The following SV2C variants were observed in gnomAD, a reference collection of about 807,000 sequenced individuals.
SV2C encodes solute carrier family 22 member B3.
Under a neutral mutation model 79.7 loss-of-function variants are expected in SV2C, and 49 were observed. That is an observed-to-expected ratio of 0.61 (90% CI 0.49 to 0.78). SV2C has a LOEUF of 0.78. SV2C is among the 30% of genes least tolerant of loss of function. SV2C has a pLI of 0.00. For synonymous variants in SV2C, 334 were observed against 333.2 expected (o/e 1.00, Z -0.03); for missense variants, 833 against 912.9 (o/e 0.91, Z 1.13).
chr5:76,160,317 T>C (rs1399411185), intron 2 of SV2C, among the ~76,000 whole-genome samples: 1 of 152,166 alleles, frequency 6.6e-6, no homozygotes, highest in Non-Finnish European at 1.5e-5. Context: ...TTAACACTTC[T>C]CAATTCCAAA....
intron 12 of SV2C, among the ~76,000 whole-genome samples, chr5:76,344,479 C>T (rs1188350530): frequency 6.6e-6 from 1 of 152,170 alleles, no homozygotes; most frequent in African/African-American, 2.4e-5. Flanking sequence ...GAGGCCAAGG[C>T]GGGCGGATCA....
chr5:76,184,885 G>T lies in SV2C; in HGVS notation c.581-10034G>T, dbSNP rs548859036. On this transcript the variant is annotated intron_variant, in intron 2 of 12. Coordinates refer to ENST00000502798, the MANE Select transcript of SV2C (RefSeq NM_014979.4). ...CATGCCCTTCCAACAGTCCCCCAAA[G>T]TCTTAATTCATTTCAGCATTAACCC... Among the ~76,000 whole-genome samples, 26 of 152,222 alleles carry T rather than the reference G, an allele frequency of 1.7e-4. No homozygotes were observed. The South Asian group carries it at 5.2e-3, about 30-fold the overall frequency.
At chr5:76,007,655 G>C in the SV2C span, among the ~76,000 whole-genome samples, 7 of 152,056 alleles carry the variant, frequency 4.6e-5, no homozygotes, top group Non-Finnish European at 7.4e-5. Context: ...AATTTATTTA[G>C]AAAATATTTA....
At chr5:75,978,232 AG>A in the SV2C span, among the ~76,000 whole-genome samples, 1 of 152,134 alleles carries the variant, frequency 6.6e-6, no homozygotes, top group Non-Finnish European at 1.5e-5. Flanking sequence ...GTGATTTCTT[AG>A]GCTATGCAAC....
chr5:75,963,696 T>C, the SV2C span, among the ~76,000 whole-genome samples: 1 of 152,140 alleles, frequency 6.6e-6, no homozygotes, highest in Non-Finnish European at 1.5e-5. Flanking sequence ...TATGAAAGAT[T>C]CGAGTGTCTC....
At chr5:76,296,440 G>A (rs576455769) in intron 9 of SV2C, among the ~76,000 whole-genome samples, 1 of 152,266 alleles carries the variant, frequency 6.6e-6, no homozygotes, top group Non-Finnish European at 1.5e-5. Context: ...TTAGAGAACA[G>A]GAATCATTCC....
chr5:75,884,335 C>T, the SV2C span, among the ~76,000 whole-genome samples: 1 of 152,096 alleles, frequency 6.6e-6, no homozygotes, highest in Non-Finnish European at 1.5e-5. Flanking sequence ...ACCGTGATTG[C>T]TTTTATATTA....
At chr5:75,895,724 T>G in the SV2C span, among the ~76,000 whole-genome samples, 2,512 of 152,226 alleles carry the variant, frequency 0.017, 36 homozygotes, top group African/African-American at 0.043. Flanking sequence ...TTCTGTTGCT[T>G]CTTTTTCACT....
intron 2 of SV2C, among the ~76,000 whole-genome samples, chr5:76,171,698 C>T (rs1279352500): frequency 8.4e-4 from 110 of 131,522 alleles, no homozygotes; most frequent in East Asian, 1.4e-3. Context: ...CCGTGCCGTC[C>T]GGGAGGGAGG....
chr5:76,162,887 G>A (rs977576816), intron 2 of SV2C, among the ~76,000 whole-genome samples: 1 of 152,168 alleles, frequency 6.6e-6, no homozygotes, highest in Non-Finnish European at 1.5e-5. Flanking sequence ...GATGTCTTTA[G>A]TGCAGGACTT....
chr5:76,171,532 C>T (rs1294900823), intron 2 of SV2C, among the ~76,000 whole-genome samples: 1 of 130,992 alleles, frequency 7.6e-6, no homozygotes, highest in Admixed American at 7.4e-5. Flanking sequence ...AGTGAGGAGC[C>T]TCTCCGCCCG....
the SV2C span, among the ~76,000 whole-genome samples, chr5:75,963,909 C>T: frequency 6.6e-5 from 10 of 151,872 alleles, no homozygotes; most frequent in South Asian, 2.1e-4. Context: ...CTTCATGTTC[C>T]GGTTCTTCTA....
chr5:76,287,606 A>G (rs1195704945), intron 6 of SV2C, among the ~76,000 whole-genome samples: 1 of 151,966 alleles, frequency 6.6e-6, no homozygotes, highest in Non-Finnish European at 1.5e-5. Context: ...CTCACACTCA[A>G]CATTTGACTT....
chr5:76,151,615 A>T (rs1384455297), intron 2 of SV2C, among the ~76,000 whole-genome samples: 1 of 152,150 alleles, frequency 6.6e-6, no homozygotes, highest in Non-Finnish European at 1.5e-5. Flanking sequence ...GGGTGCAGGG[A>T]GGAGGGCCAT....
the SV2C span, among the ~76,000 whole-genome samples, chr5:75,932,229 A>G: frequency 6.6e-6 from 1 of 152,154 alleles, no homozygotes; most frequent in Non-Finnish European, 1.5e-5. Context: ...GGGTCCACTC[A>G]TCTTGGGAGT....
chr5:76,228,788 CATTAAT>C (rs5868814), intron 4 of SV2C, among the ~76,000 whole-genome samples: 29,389 of 151,962 alleles, frequency 0.19, 4,248 homozygotes, highest in African/African-American at 0.41. Flanking sequence ...ATGAAGTACG[CATTAAT>C]ATTATCTATG....
the SV2C span, among the ~76,000 whole-genome samples, chr5:76,046,476 C>G: frequency 6.6e-6 from 1 of 152,160 alleles, no homozygotes; most frequent in Non-Finnish European, 1.5e-5. Flanking sequence ...TTGTATATGT[C>G]TACTTCAAAA....
chr5:76,016,254 T>TATAAAAAAAAAAAA, the SV2C span, among the ~76,000 whole-genome samples: 1 of 90,374 alleles, frequency 1.1e-5, no homozygotes, highest in East Asian at 4.0e-4. Flanking sequence ...TTTAATTTTC[T>TATAAAAAAAAAAAA]AAAAAAAAAA....
intron 8 of SV2C, among the ~76,000 whole-genome samples, chr5:76,294,108 T>A (rs572515268): frequency 1.3e-5 from 2 of 152,300 alleles, no homozygotes; most frequent in Non-Finnish European, 2.9e-5. Flanking sequence ...TTGTGGGGGA[T>A]GATGATCCTG....
Sources: gnomAD v4.1 joint callset for allele counts (sites outside exome capture counted in the v4.1 genomes callset) on GRCh38, gnomAD v4.1.1 for gene constraint, MANE v1.5 for transcripts, NCBI Gene and HGNC (gene_info 2026-07-23, HGNC 2026-07-21) for gene names.